GNA14: variants seen among roughly 807,000 people sequenced by gnomAD.
GNA14 encodes the protein G protein subunit alpha 14.
In GNA14, 50 loss-of-function variants were observed where a neutral mutation model predicts 42.0. The observed-to-expected ratio is 1.19, with a 90% CI of 0.95 to 1.51. GNA14 has a LOEUF of 1.51. GNA14 is among the 40% of genes most tolerant of loss of function. GNA14 has a pLI of 0.00. For missense variants in GNA14, 473 were observed against 446.2 expected (o/e 1.06, Z -0.54); for synonymous variants, 173 against 163.1 (o/e 1.06, Z -0.46).
At chr9:77,560,755 C>G (rs1021884560) in intron 1 of GNA14, among the ~76,000 whole-genome samples, 1 of 152,132 alleles carries the variant, frequency 6.6e-6, no homozygotes, top group Non-Finnish European at 1.5e-5. Context: ...AGCCAAAGCA[C>G]AGAACTTTGC....
At chr9:77,488,909 G>A (rs1836707532) in intron 2 of GNA14, among the ~76,000 whole-genome samples, 1 of 151,580 alleles carries the variant, frequency 6.6e-6, no homozygotes, top group South Asian at 2.1e-4. Flanking sequence ...AGGAAACCAT[G>A]GCCTCCTGAA....
At chr9:77,613,578 G>A (rs899862296) in intron 1 of GNA14, among the ~76,000 whole-genome samples, 6 of 152,184 alleles carry the variant, frequency 3.9e-5, no homozygotes, top group African/African-American at 1.4e-4. Context: ...GAGGAAATTT[G>A]GGGAGGGGAA....
chr9:77,514,579 G>A (rs960182661), intron 2 of GNA14, among the ~76,000 whole-genome samples: 2 of 151,482 alleles, frequency 1.3e-5, no homozygotes, highest in Admixed American at 1.3e-4. Flanking sequence ...GAAAAAGAAG[G>A]TGTCAAAGAA....
At chr9:77,574,038 C>A (rs1823096811) in intron 1 of GNA14, among the ~76,000 whole-genome samples, 1 of 152,262 alleles carries the variant, frequency 6.6e-6, no homozygotes, top group Admixed American at 6.5e-5. Context: ...GGTATCATGC[C>A]ATGCATCTGT....
chr9:77,508,648 A>G (rs1837108935), intron 2 of GNA14, among the ~76,000 whole-genome samples: 1 of 152,220 alleles, frequency 6.6e-6, no homozygotes. Flanking sequence ...ACAACCAAAT[A>G]CATGGCAACA....
intron 1 of GNA14, among the ~76,000 whole-genome samples, chr9:77,611,055 G>A: frequency 6.6e-6 from 1 of 152,150 alleles, no homozygotes; most frequent in East Asian, 1.9e-4. Context: ...CTCTGAGACT[G>A]GATCTAGTCT....
intron 2 of GNA14, among the ~76,000 whole-genome samples, chr9:77,493,018 A>ATATATATATAT (rs1322242402): frequency 1.1e-4 from 10 of 88,896 alleles, no homozygotes; most frequent in Non-Finnish European, 1.8e-4. Flanking sequence ...AAAAAAAAAA[A>ATATATATATAT]AAAAAAAAAT....
At chr9:77,433,259 G>A (rs1212908778) in intron 3 of GNA14, among the ~76,000 whole-genome samples, 1 of 152,204 alleles carries the variant, frequency 6.6e-6, no homozygotes, top group East Asian at 1.9e-4. Context: ...ATACGGGACA[G>A]GTGTGAAAGA....
intron 1 of GNA14, among the ~76,000 whole-genome samples, chr9:77,637,950 G>A (rs1174951264): frequency 6.6e-6 from 1 of 151,900 alleles, no homozygotes; most frequent in Non-Finnish European, 1.5e-5. Flanking sequence ...AGTTTATTCT[G>A]AAAAAATACT....
At chr9:77,465,992 C>T (rs1399057259) in intron 2 of GNA14, among the ~76,000 whole-genome samples, 8 of 152,144 alleles carry the variant, frequency 5.3e-5, no homozygotes, top group Non-Finnish European at 8.8e-5. Context: ...ATCAGGGTTC[C>T]CTTGTGCATA....
intron 1 of GNA14, among the ~76,000 whole-genome samples, chr9:77,637,302 C>T (rs1243453899): frequency 1.3e-5 from 2 of 152,096 alleles, no homozygotes; most frequent in African/African-American, 4.8e-5. Flanking sequence ...ATATCACTGT[C>T]TCCTTTACCT....
At chr9:77,425,795 A>G in intron 5 of GNA14, 80 bp from the exon 6 acceptor site, 2 of 1,046,076 alleles carry the variant, frequency 1.9e-6, no homozygotes, top group Non-Finnish European at 2.8e-6. Flanking sequence ...CAGTCCATCC[A>G]TCTCTTCCCT....
At chr9:77,525,334 G>A (rs1837417137) in intron 2 of GNA14, among the ~76,000 whole-genome samples, 1 of 152,062 alleles carries the variant, frequency 6.6e-6, no homozygotes, top group Admixed American at 6.6e-5. Context: ...CCAATCCAGG[G>A]TTCTTTCCAT....
At chr9:77,574,817 A>C (rs1160381825) in intron 1 of GNA14, among the ~76,000 whole-genome samples, 1 of 152,240 alleles carries the variant, frequency 6.6e-6, no homozygotes, top group Admixed American at 6.5e-5. Flanking sequence ...TTGCTACAAC[A>C]AAAGAAGAGA....
At chr9:77,446,543 C>A (rs1835820382) in intron 2 of GNA14, among the ~76,000 whole-genome samples, 1 of 152,192 alleles carries the variant, frequency 6.6e-6, no homozygotes, top group Non-Finnish European at 1.5e-5. Flanking sequence ...GCAATGCATG[C>A]CATGACTGGG....
chr9:77,520,099 AT>A (rs941193784), intron 2 of GNA14, among the ~76,000 whole-genome samples: 9 of 152,134 alleles, frequency 5.9e-5, no homozygotes, highest in Admixed American at 1.3e-4. Flanking sequence ...CCTTAAATTT[AT>A]TTTTTTTAAA....
intron 1 of GNA14, among the ~76,000 whole-genome samples, chr9:77,583,451 T>C (rs1193078399): frequency 6.6e-6 from 1 of 152,244 alleles, no homozygotes; most frequent in African/African-American, 2.4e-5. Flanking sequence ...CTCTGGAAGT[T>C]CATGAAGTTC....
chr9:77,608,935 AT>A (rs1564065738), intron 1 of GNA14, among the ~76,000 whole-genome samples: 4 of 151,988 alleles, frequency 2.6e-5, no homozygotes, highest in Non-Finnish European at 5.9e-5. Flanking sequence ...CAAATCCTTC[AT>A]TCACATCCAT....
intron 2 of GNA14, among the ~76,000 whole-genome samples, chr9:77,469,310 T>C (rs971433250): frequency 2.1e-5 from 3 of 145,378 alleles, no homozygotes; most frequent in Non-Finnish European, 4.5e-5. Context: ...TGCATTCATA[T>C]ATAAATTGTT....
Sources: allele counts gnomAD v4.1 joint callset (sites outside exome capture counted in the v4.1 genomes callset), GRCh38; gene constraint gnomAD v4.1.1; transcripts MANE v1.5; gene names NCBI Gene and HGNC (gene_info 2026-07-23, HGNC 2026-07-21).